Variants in TOR1AIP2 observed in about 807,000 individuals in gnomAD.
TOR1AIP2 encodes the protein torsin 1A interacting protein 2.
In TOR1AIP2, 20 loss-of-function variants were observed where a neutral mutation model predicts 32.6. The observed-to-expected ratio is 0.61, with a 90% CI of 0.43 to 0.89. The LOEUF (loss-of-function observed/expected upper bound fraction) is 0.89. Among genes scored for constraint, TOR1AIP2 ranks in the 40% least tolerant of loss-of-function variants. The pLI is 0.00. For missense variants in TOR1AIP2, 456 were observed against 553.8 expected (o/e 0.82, Z 1.77); for synonymous variants, 214 against 210.8 (o/e 1.02, Z -0.13).
chr1:179,868,808 A>C (rs1696896794), intron 2 of TOR1AIP2: 1 of 152,198 alleles, frequency 6.6e-6, no homozygotes, highest in South Asian at 2.1e-4. Context: ...TTCCACTTAC[A>C]TAAAGTTTCA....
chr1:179,846,218 G>GAGTA lies in TOR1AIP2; in HGVS notation c.1262_1265dup (p.Trp423ThrfsTer9). 1.2e-6 allele frequency: 2 copies of GAGTA among 1,614,188 alleles called. No homozygotes were observed. The highest frequency in any genetic ancestry group is 8.5e-7 in the Non-Finnish European group (1 of 1,180,038). Reference sequence around the variant, plus strand: ...TGTCAGAGTTGGTAAACTTGGCCCAGAGTAAGTCTCTCACTTTTTCTTCCG... The same window carrying GAGTA: ...TGTCAGAGTTGGTAAACTTGGCCCAGAGTAAGTAAGTCTCTCACTTTTTCTTCCG... On this transcript the variant is annotated frameshift_variant, in exon 7 of 7. Coordinates refer to ENST00000609928, the MANE Select transcript of TOR1AIP2 (RefSeq NM_001199260.2). LOFTEE classifies it high-confidence loss of function.
At chr1:179,851,501 G>T in intron 4 of TOR1AIP2, 138 bp from the exon 5 acceptor site, 1 of 613,280 alleles carries the variant, frequency 1.6e-6, no homozygotes, top group South Asian at 4.7e-5. Context: ...TATTTCTCTT[G>T]GCTCCCACTA....
At chr1:179,861,455 T>C (rs547490547) in intron 3 of TOR1AIP2, 2 of 960,282 alleles carry the variant, frequency 2.1e-6, no homozygotes, top group South Asian at 9.7e-5. Context: ...CAGCTTATCA[T>C]ATAACAGGTA....
Position 179,852,730 on chromosome 1 carries a change from G to T in TOR1AIP2, c.-65C>A. ...TTTAGTACTTGGTTTTCCTTGTGAA[G>T]ATGTCTTGTTTTCTTCTTGTCCCAA... On this transcript the variant is annotated 5_prime_UTR_variant, in exon 4 of 7. Transcript: ENST00000609928. 1 of 1,611,174 alleles carries T rather than the reference G, an allele frequency of 6.2e-7. No individual in the cohort carries two copies. The highest frequency in any genetic ancestry group is 8.5e-7 in the Non-Finnish European group (1 of 1,178,320).
At chr1:179,868,673 T>A (rs1282715490) in intron 2 of TOR1AIP2, 1 of 152,110 alleles carries the variant, frequency 6.6e-6, no homozygotes, top group African/African-American at 2.4e-5. Flanking sequence ...TAAATTAAGG[T>A]ATTGCTGTAC....
At chr1:179,860,962 TA>T in intron 3 of TOR1AIP2, 1 of 985,544 alleles carries the variant, frequency 1.0e-6, no homozygotes, top group Non-Finnish European at 1.2e-6. Context: ...CCTTCACCTG[TA>T]ACTCAGAGAT....
chr1:179,861,358 C>G (rs1174428720), intron 3 of TOR1AIP2: 61 of 985,252 alleles, frequency 6.2e-5, no homozygotes, highest in Non-Finnish European at 7.1e-5. Context: ...CTAGAAAGAC[C>G]TAAGGTGAAA....
intron 5 of TOR1AIP2, among the ~76,000 whole-genome samples, chr1:179,850,469 T>G (rs905844728): frequency 3.3e-5 from 5 of 152,244 alleles, no homozygotes; most frequent in African/African-American, 1.2e-4. Flanking sequence ...ACATTTAGTT[T>G]CCCAAAAAGT....
chr1:179,859,031 A>G, intron 3 of TOR1AIP2: 1 of 981,698 alleles, frequency 1.0e-6, no homozygotes, highest in Non-Finnish European at 1.2e-6. Context: ...CAGTTGGGGT[A>G]GAATTAAGTA....
chr1:179,869,326 A>G (rs1378653310), intron 2 of TOR1AIP2: 4 of 151,618 alleles, frequency 2.6e-5, no homozygotes, highest in Non-Finnish European at 4.4e-5. Flanking sequence ...AAACCTGAGG[A>G]TAATTATTAC....
intron 3 of TOR1AIP2, chr1:179,864,003 A>C: frequency 1.0e-6 from 1 of 985,434 alleles, no homozygotes; most frequent in Non-Finnish European, 1.2e-6. Context: ...TTTGTCATAC[A>C]TCTCCTGATA....
chr1:179,866,651 C>T (rs531323709), intron 2 of TOR1AIP2, among the ~76,000 whole-genome samples: 3 of 152,166 alleles, frequency 2.0e-5, no homozygotes, highest in Non-Finnish European at 4.4e-5. Flanking sequence ...GTGATCCGCC[C>T]ACCTTGGTTT....
chr1:179,875,740 C>T (rs1188728098), intron 2 of TOR1AIP2: 1 of 152,030 alleles, frequency 6.6e-6, no homozygotes, highest in Non-Finnish European at 1.5e-5. Context: ...TGTGCCAGCT[C>T]CTTTAAATAT....
At chr1:179,863,647 A>G (rs1353409549) in intron 3 of TOR1AIP2, 9 of 977,218 alleles carry the variant, frequency 9.2e-6, no homozygotes, top group Non-Finnish European at 1.1e-5. Flanking sequence ...TGGGTCATAC[A>G]GCAAGACTCT....
At position 179,851,241 on chromosome 1, in the gene TOR1AIP2, G is replaced by A. The variant is rs1466519766; in HGVS notation, c.157C>T (p.His53Tyr). 1 of 1,613,032 alleles carries A rather than the reference G, an allele frequency of 6.2e-7. No homozygotes were observed. The highest frequency in any genetic ancestry group is 1.7e-5 in the Admixed American group (1 of 60,010). ...GGACCTTCTGTCTCTACCTCTTGGT[G>A]GTCTTTGCTAAGACCACAGGCAGAG... is the stretch of plus-strand genomic sequence containing the variant. ...LHSACGLSKD[H>Y]QEVETEGPES... Residue 53 changes from histidine (H) to tyrosine (Y), a missense_variant, in exon 5 of 7, where the codon CAC (histidine) becomes TAC (tyrosine). Coordinates refer to ENST00000609928, the MANE Select transcript of TOR1AIP2 (RefSeq NM_001199260.2).
intron 3 of TOR1AIP2, chr1:179,865,003 A>T (rs770721472): frequency 6.2e-7 from 1 of 1,614,070 alleles, no homozygotes; most frequent in Non-Finnish European, 8.5e-7. Flanking sequence ...GGCTTCTATT[A>T]GCAGGATTAT....
rs970032555 is a variant in TOR1AIP2 at position 179,865,448 on chromosome 1, T to A, written c.-159A>T. 1 of 396,222 alleles carries A rather than the reference T, an allele frequency of 2.5e-6. No homozygotes were observed. The highest frequency in any genetic ancestry group is 4.5e-6 in the Non-Finnish European group (1 of 223,112). The allele number at this position is 396,222 out of a possible 1,614,324, so 24.5% of individuals were successfully genotyped here. A position where few individuals can be genotyped will look rare whatever the true frequency, so the allele number is the denominator to read the frequency against. On this transcript the variant is annotated 5_prime_UTR_variant, in exon 3 of 7. Coordinates refer to ENST00000609928, the MANE Select transcript of TOR1AIP2 (RefSeq NM_001199260.2). ...ATCAGTCACTTACTAGCAGTACAGA[T>A]CTCAGGATAGCTCCTTCAAATCCCA...
intron 3 of TOR1AIP2, chr1:179,860,801 A>G: frequency 3.0e-6 from 3 of 985,438 alleles, no homozygotes; most frequent in Non-Finnish European, 3.6e-6. Flanking sequence ...TGTGTCCCCA[A>G]AATTCCATGG....
chr1:179,855,678 C>A (rs1380844890), intron 3 of TOR1AIP2, among the ~76,000 whole-genome samples: 1 of 152,080 alleles, frequency 6.6e-6, no homozygotes, highest in African/African-American at 2.4e-5. Context: ...TCAGCAACTC[C>A]ATTTTTAGAC....
Sources: gnomAD v4.1 joint callset for allele counts (sites outside exome capture counted in the v4.1 genomes callset) on GRCh38, gnomAD v4.1.1 for gene constraint, MANE v1.5 for transcripts, NCBI Gene and HGNC (gene_info 2026-07-23, HGNC 2026-07-21) for gene names.